The following ANKH variants were observed in gnomAD, a reference collection of about 807,000 sequenced individuals.
The protein encoded by ANKH is mineralization regulator ANKH.
ANKH carries 15 observed loss-of-function variants against 49.0 expected under a neutral mutation model. The observed-to-expected ratio is 0.31, with a 90% CI of 0.20 to 0.47. ANKH has a LOEUF of 0.47. Among genes scored for constraint, ANKH ranks in the 20% least tolerant of loss-of-function variants. The pLI, the probability that ANKH is intolerant of heterozygous loss-of-function variation, is 1.00. For synonymous variants in ANKH, 273 were observed against 260.0 expected (o/e 1.05, Z -0.48); for missense variants, 429 against 652.0 (o/e 0.66, Z 3.72).
chr5:14,794,353 A>C (rs1740304388), intron 1 of ANKH, among the ~76,000 whole-genome samples: 1 of 152,244 alleles, frequency 6.6e-6, no homozygotes, highest in Non-Finnish European at 1.5e-5. Context: ...GACCACAGAA[A>C]GGAGGCAGGT....
At chr5:14,823,163 T>A (rs2126588824) in intron 1 of ANKH, among the ~76,000 whole-genome samples, 1 of 152,362 alleles carries the variant, frequency 6.6e-6, no homozygotes, top group East Asian at 1.9e-4. Context: ...TTACTATATT[T>A]GTTGCAATGG....
At chr5:14,801,086 G>C (rs1383236893) in intron 1 of ANKH, among the ~76,000 whole-genome samples, 1 of 152,188 alleles carries the variant, frequency 6.6e-6, no homozygotes, top group East Asian at 1.9e-4. Flanking sequence ...CTTTCATGTG[G>C]AATTTGCTTC....
In ANKH at chr5:14,725,979, C is replaced by T. The variant is rs1737811143; in HGVS notation, c.1012-9144G>A. On this transcript the variant is annotated intron_variant, in intron 8 of 11. Transcript: ENST00000284268. The surrounding 1 kb of genome is among the most constrained non-coding windows in gnomAD (Gnocchi z 4.0). ...AAACATTTTTAAATAAAACAGACCC[C>T]TGTAGATGTCTTCACGGATATCATC... Among the ~76,000 whole-genome samples the T allele has an allele frequency of 6.6e-6, 1 of 152,182 alleles. No individual in the cohort carries two copies. The highest frequency in any genetic ancestry group is 2.4e-5 in the African/African-American group (1 of 41,436).
intron 1 of ANKH, among the ~76,000 whole-genome samples, chr5:14,780,297 C>T (rs1320044425): frequency 3.3e-5 from 5 of 152,184 alleles, no homozygotes. Flanking sequence ...AATCCCAGCA[C>T]TTTGGGAGGC....
chr5:14,729,273 G>A (rs1290595579), intron 8 of ANKH, among the ~76,000 whole-genome samples: 3 of 151,798 alleles, frequency 2.0e-5, no homozygotes, highest in Non-Finnish European at 4.4e-5. Flanking sequence ...GGCTGGTCTC[G>A]AACTCCCGAC....
Position 14,811,005 on chromosome 5 carries a change from G to A in ANKH, c.97-41814C>T, listed in dbSNP as rs201215060. On this transcript the variant is annotated intron_variant, in intron 1 of 11. Coordinates refer to ENST00000284268, the MANE Select transcript of ANKH (RefSeq NM_054027.6). ...GGGTGCTGTGGGGTGAAGAAGGAAG[G>A]GGGGGAATAAATGGACCATAAAAAG... Among the ~76,000 whole-genome samples the A allele has an allele frequency of 5.5e-4, 21 of 38,114 alleles. No individual in the cohort carries two copies. The East Asian group carries it at 0.061, about 111-fold the overall frequency. 25.0% of individuals were successfully genotyped at this position (38,114 alleles called of 152,430 possible).
rs1315170693 is a variant in ANKH, at chr5:14,780,854, G to C, written c.97-11663C>G. 4.6e-5 allele frequency among the ~76,000 whole-genome samples: 7 copies of C among 152,186 alleles called. No individual in the cohort carries two copies. The South Asian group carries it at 1.4e-3, about 32-fold the overall frequency. On this transcript the variant is annotated intron_variant, in intron 1 of 11. Transcript: ENST00000284268. ...CAACTCCTCCGTCTACAGCTTCAAT[G>C]ATCTCATTATACTTACGATGACATC...
intron 4 of ANKH, among the ~76,000 whole-genome samples, chr5:14,755,118 A>G (rs903552928): frequency 2.0e-5 from 3 of 152,000 alleles, no homozygotes; most frequent in Admixed American, 1.3e-4. Context: ...ATATAGTCTA[A>G]CCTCTTCCTC....
At chr5:14,775,367 C>G (rs1299499646) in intron 1 of ANKH, among the ~76,000 whole-genome samples, 2 of 152,104 alleles carry the variant, frequency 1.3e-5, no homozygotes, top group Non-Finnish European at 2.9e-5. Context: ...AAATTAGGCA[C>G]AGTAAGAGTA....
At chr5:14,837,147 AC>A (rs1263068639) in intron 1 of ANKH, among the ~76,000 whole-genome samples, 1 of 152,222 alleles carries the variant, frequency 6.6e-6, no homozygotes, top group Admixed American at 6.5e-5. Context: ...TAAATCTTAG[AC>A]CTAAAACCAT....
intron 8 of ANKH, among the ~76,000 whole-genome samples, chr5:14,728,095 CTGGAT>C (rs1291494522): frequency 6.6e-6 from 1 of 152,252 alleles, no homozygotes; most frequent in Non-Finnish European, 1.5e-5. Context: ...TGAGCAAATG[CTGGAT>C]TCCTGAAGCT....
rs750678509 is a variant in ANKH, at chr5:14,707,720, G to A, written c.*3477C>T. 1 of 152,036 alleles carries A rather than the reference G, an allele frequency of 6.6e-6. No individual in the cohort carries two copies. Among genetic ancestry groups the A allele is most frequent in the Non-Finnish European group, 1.5e-5 (1 of 68,016 alleles). 9.4% of individuals were successfully genotyped at this position (152,036 alleles called of 1,614,324 possible). ...TGAAGTATAAAGTGCTTTTACTATT[G>A]TAAAGAAGCTTTATTTGGCCCCATC... On this transcript the variant is annotated 3_prime_UTR_variant, in exon 12 of 12. Coordinates refer to ENST00000284268, the MANE Select transcript of ANKH (RefSeq NM_054027.6).
chr5:14,732,958 G>A lies in ANKH; in HGVS notation c.1011+8869C>T, dbSNP rs181559109. 1.7e-3 allele frequency among the ~76,000 whole-genome samples: 259 copies of A among 152,302 alleles called. 2 individuals are homozygous for A. The highest frequency in any genetic ancestry group is 5.7e-3 in the African/African-American group (235 of 41,564). ...GTTAGATGTCATGAGAGCCACAGGC[G>A]TGACAGACAGCCCCCCCAGCTGAAC... On this transcript the variant is annotated intron_variant, in intron 8 of 11. Transcript: ENST00000284268.
intron 8 of ANKH, among the ~76,000 whole-genome samples, chr5:14,738,749 TAAAA>T (rs767547100): frequency 7.0e-6 from 1 of 143,460 alleles, no homozygotes; most frequent in Non-Finnish European, 1.5e-5. Flanking sequence ...TACAAACAGT[TAAAA>T]AAAAAAACCC....
Position 14,769,118 on chromosome 5 carries a change from G to A in ANKH, c.170C>T (p.Ser57Phe). 1.2e-6 allele frequency: 2 copies of A among 1,614,140 alleles called. No homozygotes were observed. Among genetic ancestry groups the A allele is most frequent in the Non-Finnish European group, 1.7e-6 (2 of 1,180,036 alleles). ...EMLASYGLAY[S>F]LMKFFTGPMS... ...GGGACCCGTGAAGAACTTCATGAGG[G>A]AGTACGCCAGCCCGTAGCTGGCCAG... Residue 57 changes from serine to phenylalanine, a missense_variant, in exon 2 of 12, where the codon TCC (serine) becomes TTC (phenylalanine). This residue lies in a region of ANKH where 378 missense variants were observed against 615.3 expected (regional missense o/e 0.61). Transcript: ENST00000284268.
intron 1 of ANKH, among the ~76,000 whole-genome samples, chr5:14,829,184 CAAAAAAAAAAAAAAAA>C (rs56223225): frequency 2.8e-5 from 3 of 106,022 alleles, no homozygotes; most frequent in Non-Finnish European, 4.1e-5. Context: ...GACTCTGTCT[CAAAAAAAAAAAAAAAA>C]AAAAAAAAAG....
intron 1 of ANKH, chr5:14,870,994 G>A (rs1580129859): frequency 5.3e-6 from 2 of 376,376 alleles, no homozygotes; most frequent in Non-Finnish European, 1.1e-5. Context: ...CCAGCCATGG[G>A]TAAATAAAAA....
intron 1 of ANKH, among the ~76,000 whole-genome samples, chr5:14,806,310 A>G (rs1261593512): frequency 4.0e-5 from 5 of 125,712 alleles, no homozygotes; most frequent in Admixed American, 8.6e-5. Context: ...CATAAAACAC[A>G]TTTGGGTGGG....
intron 1 of ANKH, among the ~76,000 whole-genome samples, chr5:14,816,213 A>G (rs1741032028): frequency 6.6e-6 from 1 of 152,236 alleles, no homozygotes; most frequent in East Asian, 1.9e-4. Flanking sequence ...CAGAGGACAG[A>G]AGTCATTGTC....
Sources: gnomAD v4.1 joint callset for allele counts (sites outside exome capture counted in the v4.1 genomes callset) on GRCh38, gnomAD v4.1.1 for gene constraint, gnomAD v4.1.1 regional missense constraint, Gnocchi (gnomAD v3.1) non-coding constraint, MANE v1.5 for transcripts, NCBI Gene and HGNC (gene_info 2026-07-23, HGNC 2026-07-21) for gene names.